The following LINGO2 variants were observed in gnomAD, a reference collection of about 807,000 sequenced individuals.
The protein encoded by LINGO2 is leucine-rich repeat and immunoglobulin-like domain-containing nogo receptor-interacting protein 2.
A neutral mutation model predicts 30.6 loss-of-function variants in LINGO2; 14 were observed. That is an observed-to-expected ratio of 0.46 (90% CI 0.30 to 0.72). The LOEUF is 0.72. LINGO2 is among the 30% of genes least tolerant of loss of function. The pLI is 0.07. For missense variants in LINGO2, 729 were observed against 751.7 expected (o/e 0.97, Z 0.35); for synonymous variants, 317 against 288.5 (o/e 1.10, Z -1.00).
At position 28,575,115 on chromosome 9, in the gene LINGO2, A is replaced by G. The variant is rs551243330; in HGVS notation, c.-365+95085T>C. On this transcript the variant is annotated intron_variant, in intron 1 of 5. Transcript: ENST00000379992. ...TGAACCGATGCAGAAATAAAAATCA[A>G]ACACCAGGCCAGGCGTGGTGGCTCA... 6.6e-5 allele frequency among the ~76,000 whole-genome samples: 10 copies of G among 152,246 alleles called. No homozygotes were observed. The South Asian group carries it at 1.9e-3, about 28-fold the overall frequency.
intron 3 of LINGO2, among the ~76,000 whole-genome samples, 177 bp from the exon 6 acceptor site, chr9:28,295,543 C>A (rs1328581513): frequency 6.6e-6 from 1 of 152,102 alleles, no homozygotes; most frequent in Non-Finnish European, 1.5e-5. Context: ...TTATGTGCTA[C>A]AAAAGGTGTT....
chr9:29,115,481 G>A, the LINGO2 span, among the ~76,000 whole-genome samples: 2 of 151,554 alleles, frequency 1.3e-5, no homozygotes, highest in African/African-American at 2.4e-5. Context: ...TTTTATATGG[G>A]GTTCAGAACA....
At chr9:29,096,290 T>G in the LINGO2 span, among the ~76,000 whole-genome samples, 5 of 138,486 alleles carry the variant, frequency 3.6e-5, 1 homozygote, top group Non-Finnish European at 7.8e-5. Flanking sequence ...CTTTATTTTT[T>G]ATTTTTTTAT....
chr9:28,480,574 A>C (rs1825920512), intron 1 of LINGO2, among the ~76,000 whole-genome samples: 1 of 152,042 alleles, frequency 6.6e-6, no homozygotes, highest in Non-Finnish European at 1.5e-5. Context: ...TAAAAATTAA[A>C]GGGGGAAACT....
chr9:28,888,335 T>C, the LINGO2 span, among the ~76,000 whole-genome samples: 1 of 152,090 alleles, frequency 6.6e-6, no homozygotes, highest in African/African-American at 2.4e-5. Flanking sequence ...TCAATGCTGA[T>C]GCTAAATGTG....
intron 2 of LINGO2, among the ~76,000 whole-genome samples, chr9:28,448,469 C>T (rs973871630): frequency 3.3e-5 from 5 of 152,154 alleles, no homozygotes; most frequent in Non-Finnish European, 7.4e-5. Context: ...CAAAAGAAGA[C>T]GTTTGTTAAA....
At chr9:28,306,911 A>AGG in intron 3 of LINGO2, among the ~76,000 whole-genome samples, 1 of 152,316 alleles carries the variant, frequency 6.6e-6, no homozygotes, top group East Asian at 1.9e-4. Context: ...GACCAATAAC[A>AGG]AGGTCTGAAA....
intron 1 of LINGO2, among the ~76,000 whole-genome samples, chr9:28,654,453 T>C (rs888739546): frequency 6.8e-6 from 1 of 147,684 alleles, no homozygotes; most frequent in Non-Finnish European, 1.5e-5. Context: ...ACCAGATATT[T>C]ATAGTATATG....
At chr9:28,067,404 A>G (rs755555365) in intron 4 of LINGO2, among the ~76,000 whole-genome samples, 2 of 152,188 alleles carry the variant, frequency 1.3e-5, no homozygotes, top group Non-Finnish European at 2.9e-5. Flanking sequence ...AAGGGAAACT[A>G]GATTTCATGG....
At chr9:28,607,542 A>T (rs1470493150) in intron 1 of LINGO2, among the ~76,000 whole-genome samples, 1 of 152,026 alleles carries the variant, frequency 6.6e-6, no homozygotes, top group African/African-American at 2.4e-5. Flanking sequence ...TATGCCATAG[A>T]ACTTTCACTC....
intron 1 of LINGO2, among the ~76,000 whole-genome samples, chr9:28,608,151 TAA>T (rs10968670): frequency 0.096 from 14,220 of 147,658 alleles, 749 homozygotes; most frequent in East Asian, 0.18. Context: ...TGTAGAAAGA[TAA>T]AAAAAAAAAA....
chr9:28,324,648 C>A lies in LINGO2; in HGVS notation c.-245-29282G>T, dbSNP rs577146221. Among the ~76,000 whole-genome samples the A allele has an allele frequency of 1.3e-3, 197 of 152,212 alleles. 1 individual carries two copies. The highest frequency in any genetic ancestry group is 2.2e-3 in the Non-Finnish European group (152 of 68,006). ...ATGCTGAAAGATACTTCCACCAGTG[C>A]CATAACAGCTTACAAACACCATGGC... On this transcript the variant is annotated intron_variant, in intron 3 of 5. Transcript: ENST00000379992.
intron 4 of LINGO2, among the ~76,000 whole-genome samples, chr9:28,052,336 A>C (rs756246853): frequency 3.9e-5 from 6 of 152,134 alleles, no homozygotes; most frequent in Admixed American, 2.0e-4. Flanking sequence ...CTAGTTTATT[A>C]GGCTATTATT....
chr9:28,314,484 T>G (rs1020543239), intron 3 of LINGO2, among the ~76,000 whole-genome samples: 2 of 152,134 alleles, frequency 1.3e-5, no homozygotes, highest in Non-Finnish European at 2.9e-5. Context: ...AAGAAATAAT[T>G]GAGTGTCTCT....
At chr9:28,771,925 A>G in the LINGO2 span, among the ~76,000 whole-genome samples, 1 of 152,068 alleles carries the variant, frequency 6.6e-6, no homozygotes, top group African/African-American at 2.4e-5. Flanking sequence ...TTTTATTGAC[A>G]TTATCTTTTT....
the LINGO2 span, among the ~76,000 whole-genome samples, chr9:28,886,251 T>C: frequency 5.3e-5 from 8 of 152,210 alleles, no homozygotes; most frequent in Middle Eastern, 6.8e-3. Context: ...ATTGATATAT[T>C]TGAAAGACAT....
intron 1 of LINGO2, among the ~76,000 whole-genome samples, chr9:28,525,449 T>C (rs1002285061): frequency 7.2e-5 from 11 of 152,264 alleles, no homozygotes; most frequent in African/African-American, 2.6e-4. Context: ...AAACAAAATA[T>C]GGTATACCTA....
the LINGO2 span, among the ~76,000 whole-genome samples, chr9:29,112,035 G>A: frequency 6.8e-6 from 1 of 147,114 alleles, no homozygotes; most frequent in African/African-American, 2.5e-5. Flanking sequence ...ATGCATGTGT[G>A]TATGATATAT....
the LINGO2 span, among the ~76,000 whole-genome samples, chr9:29,190,873 G>C: frequency 6.6e-6 from 1 of 152,132 alleles, no homozygotes; most frequent in African/African-American, 2.4e-5. Flanking sequence ...AATATGATGT[G>C]ATTTCCAGTG....
Sources: gnomAD v4.1 joint callset for allele counts (sites outside exome capture counted in the v4.1 genomes callset) on GRCh38, gnomAD v4.1.1 for gene constraint, MANE v1.5 for transcripts, NCBI Gene and HGNC (gene_info 2026-07-23, HGNC 2026-07-21) for gene names.